The following SLC49A4 variants were observed in gnomAD, a reference collection of about 807,000 sequenced individuals.
SLC49A4 encodes disrupted in renal cancer protein 2.
SLC49A4 carries 36 observed loss-of-function variants against 50.6 expected under a neutral mutation model. The observed-to-expected ratio is 0.71, with a 90% CI of 0.55 to 0.94. The LOEUF (loss-of-function observed/expected upper bound fraction) is 0.94. Ranked by LOEUF, SLC49A4 falls within the 40% of genes least tolerant of loss-of-function variation. The pLI is 0.00. For missense variants in SLC49A4, 503 were observed against 605.7 expected (o/e 0.83, Z 1.78); for synonymous variants, 248 against 241.2 (o/e 1.03, Z -0.26).
intron 2 of SLC49A4, among the ~76,000 whole-genome samples, chr3:122,817,557 AGT>A (rs551410619): frequency 4.0e-5 from 6 of 151,056 alleles, no homozygotes; most frequent in Admixed American, 4.0e-4. Context: ...AGAGAGAGAG[AGT>A]GTGTGTGTGT....
chr3:122,827,167 G>A (rs1936542853), intron 3 of SLC49A4, 102 bp downstream of exon 3: 2 of 1,290,660 alleles, frequency 1.5e-6, no homozygotes. Flanking sequence ...AAATACTTGA[G>A]AGGACTAATA....
intron 2 of SLC49A4, among the ~76,000 whole-genome samples, chr3:122,815,202 G>T (rs1333719554): frequency 1.3e-5 from 2 of 151,888 alleles, no homozygotes; most frequent in Admixed American, 1.3e-4. Flanking sequence ...CAATCCTCCT[G>T]CCTCAGCCTC....
intron 5 of SLC49A4, among the ~76,000 whole-genome samples, chr3:122,852,357 C>CT (rs1371132438): frequency 6.6e-6 from 1 of 152,016 alleles, no homozygotes; most frequent in Non-Finnish European, 1.5e-5. Context: ...ATTTTTTTCT[C>CT]TATTAAAAAT....
At chr3:122,814,142 C>G (rs764810666) in intron 2 of SLC49A4, among the ~76,000 whole-genome samples, 73 of 152,130 alleles carry the variant, frequency 4.8e-4, no homozygotes, top group Non-Finnish European at 1.2e-4. Flanking sequence ...ATGGTGCATT[C>G]CTATAATCCC....
chr3:122,815,995 G>C (rs1476437466), intron 2 of SLC49A4, among the ~76,000 whole-genome samples: 6 of 152,156 alleles, frequency 3.9e-5, no homozygotes, highest in African/African-American at 1.4e-4. Context: ...TGGAAATGTA[G>C]CCATGCCAAA....
intron 2 of SLC49A4, among the ~76,000 whole-genome samples, chr3:122,807,224 T>TTATA (rs55742114): frequency 1.4e-4 from 21 of 150,794 alleles, no homozygotes; most frequent in South Asian, 1.3e-3. Context: ...ATATAACATA[T>TTATA]TATATATATA....
intron 7 of SLC49A4, 33 bp downstream of exon 7, chr3:122,860,235 A>T: frequency 6.5e-7 from 1 of 1,547,566 alleles, no homozygotes; most frequent in Non-Finnish European, 8.7e-7. Flanking sequence ...CTTTTAATAA[A>T]TATTTTCATT....
chr3:122,833,535 T>C, intron 4 of SLC49A4, 89 bp downstream of exon 4: 1 of 1,260,430 alleles, frequency 7.9e-7, no homozygotes, highest in Admixed American at 2.3e-5. Context: ...ATAGTAATTT[T>C]TCAGCAACCT....
At chr3:122,855,575 G>T (rs933427148) in intron 5 of SLC49A4, among the ~76,000 whole-genome samples, 1 of 152,172 alleles carries the variant, frequency 6.6e-6, no homozygotes, top group Non-Finnish European at 1.5e-5. Flanking sequence ...GAGTGATGAG[G>T]AATGTAGGCA....
rs775423068 is a variant in SLC49A4 at position 122,877,230 on chromosome 3, G to GC, written c.1322-2033_1322-2032insC. Among the ~76,000 whole-genome samples the GC allele has an allele frequency of 2.1e-3, 325 of 152,264 alleles. 1 individual carries two copies. The highest frequency in any genetic ancestry group is 2.0e-3 in the Non-Finnish European group (138 of 68,024). ...GGTTTATGTGAATGGTTTTCAGCAG[G>GC]AAAATGTAGAGGTTCCCCTATCTCT... On this transcript the variant is annotated intron_variant, in intron 8 of 8. Coordinates refer to ENST00000261038, the MANE Select transcript of SLC49A4 (RefSeq NM_032839.3).
At chr3:122,816,738 G>A (rs1936372062) in intron 2 of SLC49A4, among the ~76,000 whole-genome samples, 1 of 152,174 alleles carries the variant, frequency 6.6e-6, no homozygotes, top group South Asian at 2.1e-4. Context: ...CTTCTCCCCA[G>A]GGAGATGACC....
At chr3:122,837,624 G>T (rs1231304899) in intron 4 of SLC49A4, among the ~76,000 whole-genome samples, 1 of 152,148 alleles carries the variant, frequency 6.6e-6, no homozygotes, top group Non-Finnish European at 1.5e-5. Flanking sequence ...GAAAACCTGG[G>T]CAATACCATT....
At chr3:122,868,101 C>T (rs958942812) in intron 7 of SLC49A4, among the ~76,000 whole-genome samples, 5 of 149,792 alleles carry the variant, frequency 3.3e-5, no homozygotes, top group African/African-American at 4.9e-5. Context: ...GGCAACAGAG[C>T]GAGACTCCGT....
chr3:122,879,498 T>C lies in SLC49A4; in HGVS notation c.*120T>C, dbSNP rs1937307423. On this transcript the variant is annotated 3_prime_UTR_variant, in exon 9 of 9. Transcript: ENST00000261038. ...AGAAGAAAGAAACTTCATTCAGAGGTTTTGTTAGGTTACAGATTATCACAT... is the reference window on the plus strand; with the variant it reads ...AGAAGAAAGAAACTTCATTCAGAGGCTTTGTTAGGTTACAGATTATCACAT... The C allele has an allele frequency of 2.8e-6, 2 of 720,250 alleles. No homozygotes were observed. Among genetic ancestry groups the C allele is most frequent in the African/African-American group, 1.8e-5 (1 of 55,516 alleles). The allele number at this position is 720,250 out of a possible 1,614,324, so 44.6% of individuals were successfully genotyped here. A position where few individuals can be genotyped will look rare whatever the true frequency, so the allele number is the denominator to read the frequency against.
At position 122,804,134 on chromosome 3, in the gene SLC49A4, G is replaced by T. The variant is rs914725811; in HGVS notation, c.344-2723G>T. Among the ~76,000 whole-genome samples, 3 of 152,204 alleles carry T rather than the reference G, an allele frequency of 2.0e-5. No homozygotes were observed. The East Asian group carries it at 5.8e-4, about 29-fold the overall frequency. On this transcript the variant is annotated intron_variant, in intron 1 of 8. Transcript: ENST00000261038. ...GTGCTGGCATTCACTCATCATCCAG[G>T]GAGGCCACAGGAAGCTTACAATCAT...
intron 4 of SLC49A4, among the ~76,000 whole-genome samples, chr3:122,839,108 TC>T (rs1351332847): frequency 1.3e-5 from 2 of 152,046 alleles, no homozygotes; most frequent in African/African-American, 2.4e-5. Flanking sequence ...AACCAACTAA[TC>T]TTCAGCAAAG....
rs1936712678 is a variant in SLC49A4, at chr3:122,837,880, A to G, written c.833+4434A>G. The stretch of plus-strand genomic sequence containing the variant: ...AAATTTACAAGAAAAAAACAACCCC[A>G]TCAAAAAGTGGGCAAAGGATATGAA... On this transcript the variant is annotated intron_variant, in intron 4 of 8. Coordinates refer to ENST00000261038, the MANE Select transcript of SLC49A4 (RefSeq NM_032839.3). 2.0e-5 allele frequency among the ~76,000 whole-genome samples: 3 copies of G among 152,322 alleles called. No individual in the cohort carries two copies. In the South Asian group the frequency reaches 6.2e-4, roughly 32 times the overall value.
chr3:122,844,163 A>G (rs571624820), intron 4 of SLC49A4, among the ~76,000 whole-genome samples: 8 of 152,338 alleles, frequency 5.3e-5, no homozygotes, highest in African/African-American at 1.9e-4. Context: ...TGATGTGATC[A>G]TAGCACACAG....
intron 5 of SLC49A4, among the ~76,000 whole-genome samples, chr3:122,848,058 C>T (rs182651390): frequency 1.3e-3 from 192 of 152,310 alleles, no homozygotes; most frequent in Non-Finnish European, 1.9e-3. Flanking sequence ...CCATGTTGCA[C>T]GGTGTAGATA....
Sources: allele counts gnomAD v4.1 joint callset (sites outside exome capture counted in the v4.1 genomes callset), GRCh38; gene constraint gnomAD v4.1.1; transcripts MANE v1.5; gene names NCBI Gene and HGNC (gene_info 2026-07-23, HGNC 2026-07-21).